Variants in SGTA observed in about 807,000 individuals in gnomAD.
SGTA encodes small glutamine rich tetratricopeptide repeat co-chaperone alpha.
A neutral mutation model predicts 44.3 loss-of-function variants in SGTA; 22 were observed. The ratio of observed to expected loss-of-function variants is 0.50; its 90% CI spans 0.36 to 0.71. SGTA has a LOEUF of 0.71. SGTA is among the 30% of genes least tolerant of loss of function. SGTA has a pLI of 0.00. For synonymous variants in SGTA, 174 were observed against 177.6 expected, an observed-to-expected ratio of 0.98 and a Z score of 0.16; for missense variants, 341 against 435.9, an observed-to-expected ratio of 0.78 and a Z score of 1.94.
At position 2,768,876 on chromosome 19, in the gene SGTA, G is replaced by T. The variant is rs981551296; in HGVS notation, c.100+93C>A. On this transcript the variant is annotated intron_variant, in intron 2 of 11. Coordinates refer to ENST00000221566, the MANE Select transcript of SGTA (RefSeq NM_003021.4). ...AGCTTCCACCCCCAAAAAGCCAGGC[G>T]GGGGACCAGGCATCTACACACCAGG... 6.4e-5 allele frequency: 59 copies of T among 918,768 alleles called. No homozygotes were observed. In the Admixed American group the frequency reaches 1.0e-3, roughly 16 times the overall value. 56.9% of individuals were successfully genotyped at this position (918,768 alleles called of 1,614,324 possible).
chr19:2,771,150 G>A (rs1247807051), intron 1 of SGTA, among the ~76,000 whole-genome samples: 3 of 152,250 alleles, frequency 2.0e-5, no homozygotes, highest in Non-Finnish European at 4.4e-5. Flanking sequence ...ATTCTGCCAG[G>A]CGTGGTGGCT....
chr19:2,756,140 C>G (rs796470683), intron 11 of SGTA, among the ~76,000 whole-genome samples: 2 of 152,006 alleles, frequency 1.3e-5, no homozygotes, highest in South Asian at 4.1e-4. Context: ...TCGCCATGAC[C>G]TAGAAGGGTC....
In SGTA at chr19:2,763,616, A is replaced by G. The variant is rs749807325; in HGVS notation, c.497+37T>C. On this transcript the variant is annotated intron_variant, in intron 6 of 11. Transcript: ENST00000221566. The surrounding 1 kb of genome is among the most constrained non-coding windows in gnomAD (Gnocchi z 5.8). ...CAGGAGCAGGAGAGGAGGGGTCCCG[A>G]GAGACTGGAAAGGCGCGGCCGTGGA... 4 of 1,461,250 alleles carry G rather than the reference A, an allele frequency of 2.7e-6. No homozygotes were observed. Among genetic ancestry groups the G allele is most frequent in the Admixed American group, 1.8e-5 (1 of 56,308 alleles). The allele number at this position is 1,461,250 out of a possible 1,614,324, so 90.5% of individuals were successfully genotyped here.
At chr19:2,759,328 AGCTCCC>A (rs763965984) in intron 8 of SGTA, 34 bp from the exon 9 acceptor site, 1 of 1,603,114 alleles carries the variant, frequency 6.2e-7, no homozygotes, top group Non-Finnish European at 8.5e-7. Context: ...AGGAAGACAA[AGCTCCC>A]AGCGCATCAT....
chr19:2,772,072 G>A (rs907938231), intron 1 of SGTA, among the ~76,000 whole-genome samples: 12 of 152,246 alleles, frequency 7.9e-5, no homozygotes, highest in Admixed American at 7.9e-4. Context: ...GGCCCAGCCC[G>A]TGCATAGTGG....
At chr19:2,780,206 C>T (rs1202262284) in intron 1 of SGTA, among the ~76,000 whole-genome samples, 1 of 152,206 alleles carries the variant, frequency 6.6e-6, no homozygotes, top group Non-Finnish European at 1.5e-5. Flanking sequence ...CCTCCTCACA[C>T]CCCAGTAGGA....
In SGTA at chr19:2,767,829, G is replaced by T; in HGVS notation, c.101-143C>A. On this transcript the variant is annotated intron_variant, in intron 2 of 11. Coordinates refer to ENST00000221566, the MANE Select transcript of SGTA (RefSeq NM_003021.4). This position sits in a 1 kb window ranked among gnomAD's most constrained non-coding sequence, Gnocchi z 7.3. ...CCAGAACGCAGGGGCCGCCGCCTGT[G>T]CTCTGGGCTGGGACAGTGGACCCTC... 1.5e-6 allele frequency: 1 copy of T among 669,972 alleles called. No homozygotes were observed. The highest frequency in any genetic ancestry group is 2.7e-5 in the East Asian group (1 of 36,630). The allele number at this position is 669,972 out of a possible 1,614,324, so 41.5% of individuals were successfully genotyped here. A position where few individuals can be genotyped will look rare whatever the true frequency, so the allele number is the denominator to read the frequency against.
At chr19:2,773,900 TCCGAGGGCAGAGATGGGTGAC>T (rs1915377768) in intron 1 of SGTA, among the ~76,000 whole-genome samples, 1 of 36,256 alleles carries the variant, frequency 2.8e-5, no homozygotes, top group African/African-American at 2.7e-4. Context: ...CGGCAGGGAC[TCCGAGGGCAGAGATGGGTGAC>T]GCGGCCACAC....
chr19:2,771,575 C>CGGGGGGGGGGGGGG (rs5741784), intron 1 of SGTA, among the ~76,000 whole-genome samples: 1 of 109,290 alleles, frequency 9.1e-6, no homozygotes, highest in African/African-American at 3.7e-5. Context: ...ACCTCCCCAT[C>CGGGGGGGGGGGGGG]GGGGGGGGGG....
intron 7 of SGTA, 86 bp downstream of exon 7, chr19:2,762,420 T>C: frequency 7.1e-7 from 1 of 1,411,118 alleles, no homozygotes; most frequent in Non-Finnish European, 9.9e-7. Context: ...AGGTTAAGCC[T>C]AGAGCCACTG....
In SGTA at chr19:2,765,942, G is replaced by A. The variant is rs1450780516; in HGVS notation, c.293-657C>T. Among the ~76,000 whole-genome samples the A allele has an allele frequency of 6.6e-6, 1 of 152,188 alleles. No homozygotes were observed. The highest frequency in any genetic ancestry group is 2.4e-5 in the African/African-American group (1 of 41,432). ...CTTACGCTTTAAAAATATAAGCCCG[G>A]GCGCGGTGGCTCATGCTTATAATCC... On this transcript the variant is annotated intron_variant, in intron 4 of 11. Coordinates refer to ENST00000221566, the MANE Select transcript of SGTA (RefSeq NM_003021.4). The surrounding 1 kb of genome is among the most constrained non-coding windows in gnomAD (Gnocchi z 5.5).
At chr19:2,766,487 C>T (rs951939885) in intron 4 of SGTA, among the ~76,000 whole-genome samples, 1 of 151,718 alleles carries the variant, frequency 6.6e-6, no homozygotes, top group Non-Finnish European at 1.5e-5. Flanking sequence ...GGCTGGAGTG[C>T]AGTGGCGCGA....
intron 11 of SGTA, among the ~76,000 whole-genome samples, chr19:2,756,764 C>A (rs1914829225): frequency 6.6e-6 from 1 of 152,026 alleles, no homozygotes; most frequent in African/African-American, 2.4e-5. Context: ...GGGAAGGAAA[C>A]CAAGCCAGCC....
intron 1 of SGTA, among the ~76,000 whole-genome samples, chr19:2,774,741 C>G (rs1915404318): frequency 6.6e-6 from 1 of 152,158 alleles, no homozygotes; most frequent in Non-Finnish European, 1.5e-5. Flanking sequence ...CCTGGCCTCC[C>G]AAAGCGCTGG....
At chr19:2,759,842 C>T (rs1462451804) in intron 8 of SGTA, among the ~76,000 whole-genome samples, 2 of 151,962 alleles carry the variant, frequency 1.3e-5, no homozygotes, top group Non-Finnish European at 2.9e-5. Flanking sequence ...TGCCTGTAGT[C>T]CCAGCTACTT....
rs946302412 is a variant in SGTA, at chr19:2,767,489, C to A, written c.207+91G>T. ...AGGATGCAGGCAGAGTGCTGGGGGA[C>A]GATGAGAGCGGGGCTCCTGGGGTCC... On this transcript the variant is annotated intron_variant, in intron 3 of 11. Transcript: ENST00000221566. This position sits in a 1 kb window ranked among gnomAD's most constrained non-coding sequence, Gnocchi z 7.3. 5.6e-6 allele frequency: 6 copies of A among 1,067,680 alleles called. No individual in the cohort carries two copies. The highest frequency in any genetic ancestry group is 8.5e-6 in the Non-Finnish European group (6 of 704,388). The allele number at this position is 1,067,680 out of a possible 1,614,324, so 66.1% of individuals were successfully genotyped here.
At position 2,770,658 on chromosome 19, in the gene SGTA, G is replaced by C. The variant is rs538889766; in HGVS notation, c.-23-1567C>G. 215 of 152,850 alleles carry C rather than the reference G, an allele frequency of 1.4e-3. 9 individuals carry two copies. The South Asian group carries it at 0.04, about 29-fold the overall frequency. 9.5% of individuals were successfully genotyped at this position (152,850 alleles called of 1,614,324 possible). A position where few individuals can be genotyped will look rare whatever the true frequency, so the allele number is the denominator to read the frequency against. ...ACGGGACCTTGTCTGTGTCTTTGCA[G>C]ATGGAAACAAGTGGAGATGAGGTCG... On this transcript the variant is annotated intron_variant, in intron 1 of 11. Coordinates refer to ENST00000221566, the MANE Select transcript of SGTA (RefSeq NM_003021.4).
At chr19:2,764,546 C>T (rs557892054) in intron 5 of SGTA, among the ~76,000 whole-genome samples, 6 of 151,860 alleles carry the variant, frequency 4.0e-5, no homozygotes, top group African/African-American at 9.7e-5. Flanking sequence ...TACAGGCACC[C>T]ACCACCACAT....
rs752232673 is a variant in SGTA at position 2,767,591 on chromosome 19, C to T, written c.196G>A (p.Ala66Thr). 1 of 1,612,968 alleles carries T rather than the reference C, an allele frequency of 6.2e-7. No individual in the cohort carries two copies. Among genetic ancestry groups the T allele is most frequent in the Non-Finnish European group, 8.5e-7 (1 of 1,179,714 alleles). Reference sequence around the variant, plus strand: ...GCATCGAGGCTCACCTTGCCCGTGGCAGCCGCTTCAAATATCTCCGGCAGA... The same window carrying T: ...GCATCGAGGCTCACCTTGCCCGTGGTAGCCGCTTCAAATATCTCCGGCAGA... ...QTLPEIFEAAATGKEMPQDLR... is the reference protein window; with the variant it reads ...QTLPEIFEAATTGKEMPQDLR... The change falls in exon 3 of 12, where the codon GCC becomes ACC. Residue 66 changes from alanine to threonine, a missense_variant. Coordinates refer to ENST00000221566, the MANE Select transcript of SGTA (RefSeq NM_003021.4). This position sits in a 1 kb window ranked among gnomAD's most constrained non-coding sequence, Gnocchi z 7.3.
Sources: allele counts gnomAD v4.1 joint callset (sites outside exome capture counted in the v4.1 genomes callset), GRCh38; gene constraint gnomAD v4.1.1; non-coding constraint Gnocchi (gnomAD v3.1); transcripts MANE v1.5; gene names NCBI Gene and HGNC (gene_info 2026-07-23, HGNC 2026-07-21).